Variants in DOCK4 observed in about 807,000 individuals in gnomAD.
The protein encoded by DOCK4 is dedicator of cytokinesis protein 4.
DOCK4 carries 97 observed loss-of-function variants against 268.1 expected under a neutral mutation model. That is an observed-to-expected ratio of 0.36 (90% CI 0.31 to 0.43). The LOEUF is 0.43. Among genes scored for constraint, DOCK4 ranks in the 20% least tolerant of loss-of-function variants. The probability of loss-of-function intolerance (pLI) is 1.00; values close to 1 mark genes in which losing one functional copy is unlikely to be tolerated. For missense variants in DOCK4, 2,145 were observed against 2,455.7 expected, an observed-to-expected ratio of 0.87 and a Z score of 2.67; for synonymous variants, 954 against 887.2, an observed-to-expected ratio of 1.08 and a Z score of -1.34.
chr7:111,912,882 A>G (rs1792238996), intron 13 of DOCK4, among the ~76,000 whole-genome samples: 1 of 152,196 alleles, frequency 6.6e-6, no homozygotes, highest in South Asian at 2.1e-4. Context: ...TTAAACTTCA[A>G]AAGTTTTTAA....
At chr7:111,939,009 T>C (rs1208292491) in intron 11 of DOCK4, among the ~76,000 whole-genome samples, 1 of 148,844 alleles carries the variant, frequency 6.7e-6, no homozygotes, top group Non-Finnish European at 1.5e-5. Flanking sequence ...GGTGGGGGAT[T>C]GGACCCAGAG....
rs373347896 is a variant in DOCK4 at position 112,118,036 on chromosome 7, A to G, written c.37+88066T>C. Among the ~76,000 whole-genome samples, 47 of 152,242 alleles carry G rather than the reference A, an allele frequency of 3.1e-4. 1 individual carries two copies. The highest frequency in any genetic ancestry group is 2.3e-3 in the East Asian group (12 of 5,184). On this transcript the variant is annotated intron_variant, in intron 1 of 52. Coordinates refer to ENST00000428084, the MANE Select transcript of DOCK4 (RefSeq NM_001363540.2). ...AAATCCATGCACGATTTTCTACACA[A>G]AATACAGAGCTATTGTGTAAGGAAA... is the stretch of plus-strand genomic sequence containing the variant.
intron 1 of DOCK4, among the ~76,000 whole-genome samples, chr7:112,033,587 C>T (rs1803473080): frequency 6.6e-6 from 1 of 152,174 alleles, no homozygotes; most frequent in Non-Finnish European, 1.5e-5. Context: ...GTTTTCCTGA[C>T]CTTTTCAGTT....
intron 1 of DOCK4, 89 bp downstream of exon 1, chr7:112,206,013 G>C: frequency 7.0e-7 from 1 of 1,434,470 alleles, no homozygotes; most frequent in Non-Finnish European, 9.6e-7. Context: ...TTTCAACCGG[G>C]CGGAGCGAGA....
chr7:111,817,388 T>C (rs1801634915), intron 27 of DOCK4, among the ~76,000 whole-genome samples: 1 of 151,796 alleles, frequency 6.6e-6, no homozygotes, highest in South Asian at 2.1e-4. Context: ...GTTTTCAGGG[T>C]CAGTGGCGCA....
chr7:111,933,257 CTTATAT>C (rs1562905157), intron 12 of DOCK4, among the ~76,000 whole-genome samples: 7 of 122,736 alleles, frequency 5.7e-5, no homozygotes, highest in African/African-American at 2.2e-4. Flanking sequence ...TACATATATA[CTTATAT>C]ATATATACAT....
At chr7:111,916,980 G>GTGTTTTTTTTTT (rs1792646270) in intron 12 of DOCK4, among the ~76,000 whole-genome samples, 1 of 83,996 alleles carries the variant, frequency 1.2e-5, no homozygotes, top group East Asian at 4.7e-4. Flanking sequence ...TTTCCCCCAT[G>GTGTTTTTTTTTT]TTTTTTTTTT....
chr7:112,053,315 AG>A (rs1805530304), intron 1 of DOCK4, among the ~76,000 whole-genome samples: 1 of 152,226 alleles, frequency 6.6e-6, no homozygotes, highest in African/African-American at 2.4e-5. Context: ...TCACTGGAGT[AG>A]ATCATGCTGC....
At chr7:111,921,529 C>T (rs911418603) in intron 12 of DOCK4, among the ~76,000 whole-genome samples, 5 of 152,094 alleles carry the variant, frequency 3.3e-5, no homozygotes, top group East Asian at 1.9e-4. Flanking sequence ...CATGTAGCTA[C>T]GAATGCACAG....
chr7:111,798,171 A>T (rs1586017531), intron 30 of DOCK4, among the ~76,000 whole-genome samples: 1 of 152,216 alleles, frequency 6.6e-6, no homozygotes, highest in African/African-American at 2.4e-5. Flanking sequence ...AGCCACCTCA[A>T]CCCTGTCCAG....
chr7:111,963,086 G>A (rs572343446), intron 8 of DOCK4, among the ~76,000 whole-genome samples: 6 of 152,178 alleles, frequency 3.9e-5, no homozygotes, highest in Admixed American at 3.3e-4. Flanking sequence ...AACTTTAACC[G>A]ATGAAGCCCT....
chr7:112,068,887 C>T (rs183759512), intron 1 of DOCK4, among the ~76,000 whole-genome samples: 3,523 of 152,122 alleles, frequency 0.023, 64 homozygotes, highest in Non-Finnish European at 0.036. Flanking sequence ...CAGAGAATAA[C>T]TTTTTTAATG....
intron 25 of DOCK4, among the ~76,000 whole-genome samples, chr7:111,839,188 T>C (rs1331525933): frequency 2.0e-5 from 3 of 152,160 alleles, no homozygotes; most frequent in Non-Finnish European, 4.4e-5. Context: ...ACACCTGAGG[T>C]TTTTGGTTAT....
intron 12 of DOCK4, among the ~76,000 whole-genome samples, chr7:111,918,157 G>A (rs530803432): frequency 2.6e-5 from 4 of 152,276 alleles, no homozygotes; most frequent in Non-Finnish European, 4.4e-5. Context: ...GGTCCAAATC[G>A]GAGCTAGATG....
At chr7:111,747,188 T>C (rs372309100) in intron 43 of DOCK4, 79 bp downstream of exon 43, 2 of 1,414,826 alleles carry the variant, frequency 1.4e-6, no homozygotes, top group East Asian at 2.3e-5. Flanking sequence ...TATGGGTACA[T>C]AGTCTGAAAA....
chr7:112,085,434 T>G (rs559431000), intron 1 of DOCK4, among the ~76,000 whole-genome samples: 26 of 152,226 alleles, frequency 1.7e-4, no homozygotes, highest in South Asian at 8.3e-4. Context: ...GAGTTCATAA[T>G]GATACTAATG....
At chr7:111,909,919 A>G (rs1764344350) in intron 13 of DOCK4, among the ~76,000 whole-genome samples, 1 of 151,976 alleles carries the variant, frequency 6.6e-6, no homozygotes, top group African/African-American at 2.4e-5. Context: ...CCATGATTGT[A>G]CTACTACACT....
rs749138893 is a variant in DOCK4, at chr7:112,157,520, G to A, written c.37+48582C>T. ...CAAGGATTTTTAAAATAGGAAATCT[G>A]TGGTCAAATAATTTTTATAATAATT... On this transcript the variant is annotated intron_variant, in intron 1 of 52. Transcript: ENST00000428084. Among the ~76,000 whole-genome samples the A allele has an allele frequency of 9.9e-5, 15 of 152,182 alleles. 1 individual carries two copies. Among genetic ancestry groups the A allele is most frequent in the Admixed American group, 1.3e-4 (2 of 15,268 alleles).
chr7:111,896,462 T>C (rs1444799286), intron 15 of DOCK4, among the ~76,000 whole-genome samples: 1 of 151,352 alleles, frequency 6.6e-6, no homozygotes, highest in Non-Finnish European at 1.5e-5. Flanking sequence ...ATCTCTTAAG[T>C]ACCATTCCAG....
Sources: allele counts gnomAD v4.1 joint callset (sites outside exome capture counted in the v4.1 genomes callset), GRCh38; gene constraint gnomAD v4.1.1; transcripts MANE v1.5; gene names NCBI Gene and HGNC (gene_info 2026-07-23, HGNC 2026-07-21).